The following SCFD1 variants were observed in gnomAD, a reference collection of about 807,000 sequenced individuals.
SCFD1 encodes sec1 family domain containing 1, also known as sec1 family domain-containing protein 1.
A neutral mutation model predicts 103.2 loss-of-function variants in SCFD1; 37 were observed. The observed-to-expected ratio is 0.36, with a 90% CI of 0.28 to 0.47. The LOEUF (loss-of-function observed/expected upper bound fraction) is 0.47, where lower values mean the gene tolerates loss of function less well. Among genes scored for constraint, SCFD1 ranks in the 20% least tolerant of loss-of-function variants. The probability of loss-of-function intolerance (pLI) is 1.00; values close to 1 mark genes in which losing one functional copy is unlikely to be tolerated. For missense variants in SCFD1, 639 were observed against 761.2 expected (o/e 0.84, Z 1.89); for synonymous variants, 264 against 245.0 (o/e 1.08, Z -0.73).
intron 9 of SCFD1, among the ~76,000 whole-genome samples, chr14:30,651,854 T>G (rs1594612458): frequency 6.6e-6 from 1 of 152,172 alleles, no homozygotes; most frequent in East Asian, 1.9e-4. Flanking sequence ...AGTTTTTGCC[T>G]CCCATAGCCA....
rs910270407 is a variant in SCFD1, at chr14:30,700,170, C to T, written c.1340-18C>T. 6 of 1,568,198 alleles carry T rather than the reference C, an allele frequency of 3.8e-6. No homozygotes were observed. The African/African-American group carries it at 5.4e-5, about 14-fold the overall frequency. On this transcript the variant is annotated intron_variant, in intron 15 of 24. Coordinates refer to ENST00000458591, the MANE Select transcript of SCFD1 (RefSeq NM_016106.4). Reference sequence around the variant, plus strand: ...CACAATTATGAAAATATTTTTTAACCTCTTTTCCCCTATGCAGCAGGAACT... The same window carrying T: ...CACAATTATGAAAATATTTTTTAACTTCTTTTCCCCTATGCAGCAGGAACT...
intron 14 of SCFD1, among the ~76,000 whole-genome samples, chr14:30,691,416 TC>T (rs2139298214): frequency 6.6e-6 from 1 of 152,332 alleles, no homozygotes; most frequent in African/African-American, 2.4e-5. Flanking sequence ...CCTGAGGCTC[TC>T]TCTTTAAAAA....
intron 6 of SCFD1, 106 bp from the exon 7 acceptor site, chr14:30,643,210 A>G (rs553959830): frequency 2.5e-6 from 2 of 811,366 alleles, no homozygotes; most frequent in East Asian, 2.5e-5. Context: ...TCACTTGCTG[A>G]GTTTTATTAT....
intron 23 of SCFD1, among the ~76,000 whole-genome samples, chr14:30,733,276 GA>G (rs1893612293): frequency 6.6e-6 from 1 of 152,106 alleles, no homozygotes; most frequent in Non-Finnish European, 1.5e-5. Flanking sequence ...CCAAAGTGCT[GA>G]GATTACAGGC....
At chr14:30,716,381 AC>A (rs139438098) in intron 20 of SCFD1, among the ~76,000 whole-genome samples, 1 of 152,220 alleles carries the variant, frequency 6.6e-6, no homozygotes, top group Non-Finnish European at 1.5e-5. Context: ...AATGTTAAGT[AC>A]ATATGTTTAC....
At chr14:30,711,937 A>G (rs1891907451) in intron 19 of SCFD1, among the ~76,000 whole-genome samples, 2 of 152,066 alleles carry the variant, frequency 1.3e-5, no homozygotes, top group African/African-American at 4.8e-5. Flanking sequence ...GCTGGGTGAG[A>G]GAGGGATAGA....
At chr14:30,680,089 T>C (rs1212464532) in intron 14 of SCFD1, among the ~76,000 whole-genome samples, 1 of 152,212 alleles carries the variant, frequency 6.6e-6, no homozygotes, top group Admixed American at 6.5e-5. Context: ...CTGGAACTAC[T>C]TCTACATCTC....
chr14:30,643,836 A>G (rs1594591216), intron 7 of SCFD1: 1 of 420,572 alleles, frequency 2.4e-6, no homozygotes, highest in Non-Finnish European at 4.7e-6. Flanking sequence ...CTATACCTTC[A>G]AATTTTATTT....
At position 30,622,589 on chromosome 14, in the gene SCFD1, CAGG is replaced by C. The variant is rs145232291; in HGVS notation, c.61+193_61+195del. 876 of 986,412 alleles carry C rather than the reference CAGG, an allele frequency of 8.9e-4. 10 individuals carry two copies. In the African/African-American group the frequency reaches 0.013, roughly 14 times the overall value. 61.1% of individuals were successfully genotyped at this position (986,412 alleles called of 1,614,324 possible). A position where few individuals can be genotyped will look rare whatever the true frequency, so the allele number is the denominator to read the frequency against. On this transcript the variant is annotated intron_variant, in intron 1 of 24. Transcript: ENST00000458591. ...TGAGGACTCGGTTCCTCCTGTGGTG[CAGG>C]AGAAGGAGCTTCAGCGGTGGGCGGA...
At chr14:30,625,697 G>GTATAGGTA (rs537821402) in intron 1 of SCFD1, among the ~76,000 whole-genome samples, 33 of 147,938 alleles carry the variant, frequency 2.2e-4, no homozygotes, top group East Asian at 1.9e-3. Context: ...ACCTATATAG[G>GTATAGGTA]TATAGGTATA....
chr14:30,728,079 A>G (rs934276298), intron 23 of SCFD1, among the ~76,000 whole-genome samples: 1 of 152,186 alleles, frequency 6.6e-6, no homozygotes, highest in African/African-American at 2.4e-5. Context: ...GAGAAAAAGA[A>G]AAATGTTCAG....
At chr14:30,706,303 CTG>C (rs1229952891) in intron 18 of SCFD1, among the ~76,000 whole-genome samples, 1 of 152,102 alleles carries the variant, frequency 6.6e-6, no homozygotes, top group Admixed American at 6.5e-5. Flanking sequence ...CTGTGTGTAT[CTG>C]TGTGGATGAG....
chr14:30,657,075 C>T (rs371717623), intron 10 of SCFD1, among the ~76,000 whole-genome samples: 1 of 152,006 alleles, frequency 6.6e-6, no homozygotes, highest in Non-Finnish European at 1.5e-5. Context: ...GCATAGCATA[C>T]AGATCACGGG....
intron 17 of SCFD1, among the ~76,000 whole-genome samples, chr14:30,704,924 T>C (rs1891366291): frequency 6.6e-6 from 1 of 152,176 alleles, no homozygotes. Flanking sequence ...CACCAACATC[T>C]TAACAGGGGT....
intron 18 of SCFD1, among the ~76,000 whole-genome samples, chr14:30,706,356 T>C (rs1420944681): frequency 2.0e-5 from 3 of 152,214 alleles, no homozygotes; most frequent in Non-Finnish European, 2.9e-5. Flanking sequence ...TGAAATGATA[T>C]ACACCTAAAT....
intron 11 of SCFD1, among the ~76,000 whole-genome samples, chr14:30,672,057 G>A (rs1228751031): frequency 6.6e-6 from 1 of 151,486 alleles, no homozygotes; most frequent in East Asian, 1.9e-4. Context: ...TTAGCATGGT[G>A]TTTGATGTAT....
At chr14:30,640,819 C>A (rs1052820447) in intron 6 of SCFD1, among the ~76,000 whole-genome samples, 1 of 151,816 alleles carries the variant, frequency 6.6e-6, no homozygotes, top group South Asian at 2.1e-4. Context: ...GCTAAATATT[C>A]GTATACTTAT....
At chr14:30,624,301 A>G (rs1883161127) in intron 1 of SCFD1, among the ~76,000 whole-genome samples, 1 of 152,160 alleles carries the variant, frequency 6.6e-6, no homozygotes, top group Non-Finnish European at 1.5e-5. Flanking sequence ...CCAGCTTCTC[A>G]ACATTGCAGG....
At chr14:30,702,507 A>G in intron 17 of SCFD1, 132 bp downstream of exon 17, 1 of 500,736 alleles carries the variant, frequency 2.0e-6, no homozygotes. Context: ...AGTGGCATAA[A>G]TATTTCCTTA....
Sources: gnomAD v4.1 joint callset for allele counts (sites outside exome capture counted in the v4.1 genomes callset) on GRCh38, gnomAD v4.1.1 for gene constraint, MANE v1.5 for transcripts, NCBI Gene and HGNC (gene_info 2026-07-23, HGNC 2026-07-21) for gene names.